Variants in ATRAID observed in about 807,000 individuals in gnomAD.
ATRAID encodes all-trans retinoic acid-induced differentiation factor.
In ATRAID, 26 loss-of-function variants were observed where a neutral mutation model predicts 28.8. That is an observed-to-expected ratio of 0.90 (90% CI 0.66 to 1.25). The LOEUF (loss-of-function observed/expected upper bound fraction) is 1.25, where lower values mean the gene tolerates loss of function less well. Among genes scored for constraint, ATRAID ranks in the 50% most tolerant of loss-of-function variants. The pLI, the probability that ATRAID is intolerant of heterozygous loss-of-function variation, is 0.00. For synonymous variants in ATRAID, 131 were observed against 108.5 expected, an observed-to-expected ratio of 1.21 and a Z score of -1.29; for missense variants, 308 against 285.9, an observed-to-expected ratio of 1.08 and a Z score of -0.56.
In ATRAID at chr2:27,213,655, A is replaced by AT. The variant is rs1674708912; in HGVS notation, c.221+360dup. Among the ~76,000 whole-genome samples the AT allele has an allele frequency of 3.3e-5, 5 of 152,290 alleles. No homozygotes were observed. In the South Asian group the frequency reaches 1.0e-3, roughly 32 times the overall value. Reference sequence around the variant, plus strand: ...TATCACTCTCTTGCTTTAATACTATATTTAGTATTAAATTTTGTCTCAGGA... The same window carrying AT: ...TATCACTCTCTTGCTTTAATACTATATTTTAGTATTAAATTTTGTCTCAGGA... On this transcript the variant is annotated intron_variant, in intron 2 of 6. Coordinates refer to ENST00000380171, the MANE Select transcript of ATRAID (RefSeq NM_001170795.4).
At chr2:27,215,183 C>T (rs972573024) in intron 2 of ATRAID, 138 bp from the exon 3 acceptor site, 18 of 787,000 alleles carry the variant, frequency 2.3e-5, no homozygotes, top group Admixed American at 2.5e-5. Context: ...ATGTCTACCA[C>T]AGCTCCTAGT....
At chr2:27,214,498 T>A (rs1046997563) in intron 2 of ATRAID, among the ~76,000 whole-genome samples, 1 of 152,150 alleles carries the variant, frequency 6.6e-6, no homozygotes, top group Admixed American at 6.5e-5. Context: ...AAACACAGAT[T>A]TCTCCCAATA....
chr2:27,212,774 A>G (rs1674640857), intron 1 of ATRAID: 2 of 749,894 alleles, frequency 2.7e-6, no homozygotes, highest in South Asian at 2.3e-5. Flanking sequence ...CACGAACGCC[A>G]TATATCGTGC....
intron 2 of ATRAID, among the ~76,000 whole-genome samples, chr2:27,214,444 G>A (rs1040212412): frequency 4.0e-5 from 6 of 151,850 alleles, no homozygotes; most frequent in African/African-American, 1.2e-4. Context: ...AAGGCCCTCT[G>A]TGGATCTGAA....
Position 27,216,952 on chromosome 2 carries a change from A to C in ATRAID, c.*4A>C. On this transcript the variant is annotated 3_prime_UTR_variant, in exon 7 of 7. Transcript: ENST00000380171. ...CCGAAAAGCCAAGACTTCATGAACTACATAGGTCTTACCATTGACCTAAGA... is the reference window on the plus strand; with the variant it reads ...CCGAAAAGCCAAGACTTCATGAACTCCATAGGTCTTACCATTGACCTAAGA... 3.1e-6 allele frequency: 5 copies of C among 1,600,446 alleles called. No individual in the cohort carries two copies. The highest frequency in any genetic ancestry group is 4.3e-6 in the Non-Finnish European group (5 of 1,168,358).
In ATRAID at chr2:27,212,711, CTT is replaced by C. The variant is rs934546786; in HGVS notation, c.99+246_99+247del. ...ATTTCGCCCCTTAATTTTAGAATAA[CTT>C]TAAGTTCTTTCTACAGACGGGTCCT... On this transcript the variant is annotated intron_variant, in intron 1 of 6. Coordinates refer to ENST00000380171, the MANE Select transcript of ATRAID (RefSeq NM_001170795.4). 69 of 1,240,508 alleles carry C rather than the reference CTT, an allele frequency of 5.6e-5. No homozygotes were observed. The African/African-American group carries it at 6.4e-4, about 12-fold the overall frequency. The allele number at this position is 1,240,508 out of a possible 1,614,324, so 76.8% of individuals were successfully genotyped here.
At chr2:27,214,640 T>G (rs1157200551) in intron 2 of ATRAID, among the ~76,000 whole-genome samples, 1 of 152,144 alleles carries the variant, frequency 6.6e-6, no homozygotes, top group Non-Finnish European at 1.5e-5. Context: ...GATCACGAGG[T>G]CAGGAGTTCA....
In ATRAID at chr2:27,216,953, C is replaced by A; in HGVS notation, c.*5C>A. Reference sequence around the variant, plus strand: ...CGAAAAGCCAAGACTTCATGAACTACATAGGTCTTACCATTGACCTAAGAT... The same window carrying A: ...CGAAAAGCCAAGACTTCATGAACTAAATAGGTCTTACCATTGACCTAAGAT... On this transcript the variant is annotated 3_prime_UTR_variant, in exon 7 of 7. Transcript: ENST00000380171. The A allele has an allele frequency of 6.3e-7, 1 of 1,599,580 alleles. No individual in the cohort carries two copies. The highest frequency in any genetic ancestry group is 8.6e-7 in the Non-Finnish European group (1 of 1,167,674).
chr2:27,212,095 G>A lies in ATRAID; in HGVS notation c.-274G>A. 2.8e-6 allele frequency: 4 copies of A among 1,420,646 alleles called. No homozygotes were observed. Among genetic ancestry groups the A allele is most frequent in the South Asian group, 1.4e-5 (1 of 73,790 alleles). 88.0% of individuals were successfully genotyped at this position (1,420,646 alleles called of 1,614,324 possible). ...CCGGACGCGGGGAACACCGGGCTGA[G>A]GGAGTCTGCAGTCGGCTCCGGGAAG... is the stretch of plus-strand genomic sequence containing the variant. On this transcript the variant is annotated 5_prime_UTR_variant, in exon 1 of 7. Transcript: ENST00000380171.
At chr2:27,213,752 G>A (rs1449450475) in intron 2 of ATRAID, among the ~76,000 whole-genome samples, 5 of 151,974 alleles carry the variant, frequency 3.3e-5, no homozygotes, top group South Asian at 2.1e-4. Flanking sequence ...TTACTTGTCC[G>A]CTCAAACCTC....
At position 27,215,565 on chromosome 2, in the gene ATRAID, G is replaced by A. The variant is rs917857354; in HGVS notation, c.365+20G>A. Reference sequence around the variant, plus strand: ...GACTCTGTGAGTAAGGGTATGGGAAGAGAATCAAAGAGGGATGATGCTGTG... The same window carrying A: ...GACTCTGTGAGTAAGGGTATGGGAAAAGAATCAAAGAGGGATGATGCTGTG... On this transcript the variant is annotated intron_variant, in intron 4 of 6. Coordinates refer to ENST00000380171, the MANE Select transcript of ATRAID (RefSeq NM_001170795.4). The A allele has an allele frequency of 5.6e-6, 9 of 1,614,090 alleles. No homozygotes were observed. Among genetic ancestry groups the A allele is most frequent in the African/African-American group, 5.3e-5 (4 of 74,946 alleles).
At chr2:27,212,498 G>A (rs1213302930) in intron 1 of ATRAID, 31 bp downstream of exon 1, 5 of 1,545,650 alleles carry the variant, frequency 3.2e-6, no homozygotes, top group Non-Finnish European at 4.4e-6. Context: ...TCGGGCTGAA[G>A]CAGGGTCGCT....
chr2:27,212,133 G>A lies in ATRAID; in HGVS notation c.-236G>A, dbSNP rs1175377018. On this transcript the variant is annotated 5_prime_UTR_variant, in exon 1 of 7. Transcript: ENST00000380171. ...CGGCTCCGGGAAGCCGCGCGGCGAC[G>A]GGGGAGGCCTTCACTAAAGGGGAAA... 6.6e-7 allele frequency: 1 copy of A among 1,506,782 alleles called. No homozygotes were observed. The highest frequency in any genetic ancestry group is 2.5e-5 in the Admixed American group (1 of 40,166). The allele number at this position is 1,506,782 out of a possible 1,614,324, so 93.3% of individuals were successfully genotyped here.
chr2:27,216,505 T>C lies in ATRAID; in HGVS notation c.488-18T>C, dbSNP rs751303199. On this transcript the variant is annotated intron_variant, in intron 5 of 6. Transcript: ENST00000380171. ...GAAATGGATAAAGTGATGTTCTCTA[T>C]TTCTCTCTGGCCTCCAGAAATGTGT... 3.2e-6 allele frequency: 5 copies of C among 1,577,566 alleles called. No individual in the cohort carries two copies. The highest frequency in any genetic ancestry group is 4.4e-6 in the Non-Finnish European group (5 of 1,146,812).
chr2:27,214,406 A>G (rs1390610109), intron 2 of ATRAID, among the ~76,000 whole-genome samples: 1 of 42,278 alleles, frequency 2.4e-5, no homozygotes, highest in Non-Finnish European at 4.5e-5. Context: ...AAAAACTTTG[A>G]TTTATGTGAC....
At chr2:27,212,694 C>T (rs1674633910) in intron 1 of ATRAID, 1 of 1,324,134 alleles carries the variant, frequency 7.6e-7, no homozygotes, top group East Asian at 2.9e-5. Context: ...TGATTTCGCC[C>T]CTTAATTTTA....
intron 1 of ATRAID, chr2:27,212,812 T>G: frequency 1.8e-6 from 1 of 552,524 alleles, no homozygotes; most frequent in Non-Finnish European, 2.9e-6. Context: ...TTTGTAATGC[T>G]TGATGAGTTC....
At chr2:27,216,652 A>T (rs1246778517) in intron 6 of ATRAID, 32 bp downstream of exon 6, 1 of 1,573,260 alleles carries the variant, frequency 6.4e-7, no homozygotes, top group South Asian at 1.1e-5. Flanking sequence ...CTAGGGATAC[A>T]AGGAATGCAT....
rs775061889 is a variant in ATRAID, at chr2:27,215,410, T to TCCCA, written c.293+23_293+26dup. Reference sequence around the variant, plus strand: ...GTCATCATGTAAGTAGTTAGGTACCTCCCACCCAAAAGGCTAATATAATGT... The same window carrying TCCCA: ...GTCATCATGTAAGTAGTTAGGTACCTCCCACCCACCCAAAAGGCTAATATAATGT... On this transcript the variant is annotated intron_variant, in intron 3 of 6. Transcript: ENST00000380171. 26 of 1,614,106 alleles carry TCCCA rather than the reference T, an allele frequency of 1.6e-5. No individual in the cohort carries two copies. The highest frequency in any genetic ancestry group is 2.1e-5 in the Non-Finnish European group (25 of 1,179,978).
Sources: gnomAD v4.1 joint callset for allele counts (sites outside exome capture counted in the v4.1 genomes callset) on GRCh38, gnomAD v4.1.1 for gene constraint, MANE v1.5 for transcripts, NCBI Gene and HGNC (gene_info 2026-07-23, HGNC 2026-07-21) for gene names.